Variants in CRYBG3 observed in about 807,000 individuals in gnomAD.
The protein encoded by CRYBG3 is crystallin beta-gamma domain containing 3.
CRYBG3 carries 127 observed loss-of-function variants against 244.2 expected under a neutral mutation model. The observed-to-expected ratio is 0.52, with a 90% CI of 0.45 to 0.60. CRYBG3 has a LOEUF of 0.60. Ranked by LOEUF, CRYBG3 falls within the 20% of genes least tolerant of loss-of-function variation. CRYBG3 has a pLI of 0.00. For synonymous variants in CRYBG3, 1,132 were observed against 1,195.8 expected (o/e 0.95, Z 1.10); for missense variants, 3,325 against 3,442.5 (o/e 0.97, Z 0.85).
Position 97,874,511 on chromosome 3 carries a change from C to G in CRYBG3, c.3317C>G (p.Thr1106Ser). ...GTSVTNLLYP[T>S]TSYLEFETSV... ...TCTGTAACTAACCTGTTGTACCCTA[C>G]TACCTCTTATTTGGAATTTGAAACG... is the stretch of plus-strand genomic sequence containing the variant. The change falls in exon 4 of 22, where the codon ACT (threonine) becomes AGT (serine). Residue 1106 changes from threonine to serine, a missense_variant. Transcript: ENST00000389622. 1 of 1,534,814 alleles carries G rather than the reference C, an allele frequency of 6.5e-7. No homozygotes were observed.
At chr3:97,933,880 A>C in intron 18 of CRYBG3, 47 bp downstream of exon 18, 2 of 1,570,584 alleles carry the variant, frequency 1.3e-6, no homozygotes, top group Non-Finnish European at 1.7e-6. Context: ...CTGTTTTAAG[A>C]CAGAGTTGCA....
At chr3:97,844,180 T>G (rs2038865517) in intron 2 of CRYBG3, among the ~76,000 whole-genome samples, 1 of 152,192 alleles carries the variant, frequency 6.6e-6, no homozygotes, top group African/African-American at 2.4e-5. Flanking sequence ...AAAAAAATAC[T>G]TATTGAAAGG....
intron 2 of CRYBG3, among the ~76,000 whole-genome samples, chr3:97,851,282 G>C (rs548767120): frequency 6.6e-6 from 1 of 152,210 alleles, no homozygotes; most frequent in African/African-American, 2.4e-5. Context: ...AGTAATACGC[G>C]GCAGCCAGAT....
At chr3:97,859,856 A>AAG (rs2108197880) in intron 2 of CRYBG3, among the ~76,000 whole-genome samples, 1 of 152,266 alleles carries the variant, frequency 6.6e-6, no homozygotes, top group Admixed American at 6.5e-5. Flanking sequence ...TCCAATGCTA[A>AAG]TACTTTGTCT....
chr3:97,829,410 C>G (rs937255348), intron 1 of CRYBG3, among the ~76,000 whole-genome samples: 10 of 152,152 alleles, frequency 6.6e-5, no homozygotes, highest in African/African-American at 2.4e-4. Flanking sequence ...CTGTCACCCA[C>G]CTTGACCTCT....
intron 8 of CRYBG3, among the ~76,000 whole-genome samples, chr3:97,887,525 G>A (rs1377884706): frequency 6.6e-6 from 1 of 152,192 alleles, no homozygotes; most frequent in Non-Finnish European, 1.5e-5. Flanking sequence ...GCCAAGGTGG[G>A]TGGATCACCT....
chr3:97,898,089 G>A lies in CRYBG3; in HGVS notation c.7702-794G>A, dbSNP rs568556746. 1.4e-3 allele frequency among the ~76,000 whole-genome samples: 214 copies of A among 151,758 alleles called. 1 individual carries two copies. Among genetic ancestry groups the A allele is most frequent in the African/African-American group, 4.8e-3 (200 of 41,360 alleles). ...GAAAAAATTAGCCGGGCATGGTGGTGGGCACCTGTAGTCCCAACTACTCGG... is the reference window on the plus strand; with the variant it reads ...GAAAAAATTAGCCGGGCATGGTGGTAGGCACCTGTAGTCCCAACTACTCGG... On this transcript the variant is annotated intron_variant, in intron 12 of 21. Coordinates refer to ENST00000389622, the MANE Select transcript of CRYBG3 (RefSeq NM_153605.4).
At chr3:97,839,911 A>T (rs964265986) in intron 1 of CRYBG3, among the ~76,000 whole-genome samples, 3 of 152,076 alleles carry the variant, frequency 2.0e-5, no homozygotes, top group Non-Finnish European at 4.4e-5. Flanking sequence ...AAATTTGTCT[A>T]ACAAATAACT....
rs771785578 is a variant in CRYBG3 at position 97,874,018 on chromosome 3, T to C, written c.2824T>C (p.Trp942Arg). The change falls in exon 4 of 22, where the codon TGG becomes CGG. Residue 942 changes from tryptophan to arginine, a missense_variant. Coordinates refer to ENST00000389622, the MANE Select transcript of CRYBG3 (RefSeq NM_153605.4). ...PPALLKSNIS[W>R]ILPPIHDEKI... The stretch of plus-strand genomic sequence containing the variant: ...TGCTCTTCTTAAAAGTAATATATCT[T>C]GGATTTTACCACCTATTCATGATGA... The C allele has an allele frequency of 1.2e-5, 18 of 1,535,550 alleles. No homozygotes were observed. In the South Asian group the frequency reaches 2.0e-4, roughly 17 times the overall value.
chr3:97,888,379 C>T lies in CRYBG3; in HGVS notation c.7328C>T (p.Ala2443Val). 6.2e-7 allele frequency: 1 copy of T among 1,612,510 alleles called. No homozygotes were observed. The highest frequency in any genetic ancestry group is 8.5e-7 in the Non-Finnish European group (1 of 1,178,958). ...AYPDINFKGQ[A>V]TVLEEDHGLF... ...CCAGATATTAATTTTAAGGGACAAG[C>T]TACAGTTCTGGAGGAAGACCATGGG... is the stretch of plus-strand genomic sequence containing the variant. Residue 2443 changes from alanine (A) to valine (V), a missense_variant, in exon 9 of 22, where the codon GCT becomes GTT. By Grantham distance (64) the Ala-to-Val change is moderately conservative. Coordinates refer to ENST00000389622, the MANE Select transcript of CRYBG3 (RefSeq NM_153605.4).
chr3:97,861,883 G>A (rs772338689), intron 2 of CRYBG3, among the ~76,000 whole-genome samples: 3 of 152,088 alleles, frequency 2.0e-5, no homozygotes, highest in African/African-American at 4.8e-5. Flanking sequence ...GAATAGCAGT[G>A]TATTTTTCCT....
At chr3:97,850,280 A>C (rs2038965683) in intron 2 of CRYBG3, among the ~76,000 whole-genome samples, 1 of 152,198 alleles carries the variant, frequency 6.6e-6, no homozygotes, top group East Asian at 1.9e-4. Flanking sequence ...TAGATCAGCA[A>C]TTTCACGCAT....
At chr3:97,941,045 T>A in intron 19 of CRYBG3, 103 bp from the exon 20 acceptor site, 1 of 884,742 alleles carries the variant, frequency 1.1e-6, no homozygotes, top group Non-Finnish European at 1.8e-6. Flanking sequence ...CTGATATAAC[T>A]AAGATAGTTA....
At chr3:97,833,547 C>T (rs1176819183) in intron 1 of CRYBG3, among the ~76,000 whole-genome samples, 6 of 152,056 alleles carry the variant, frequency 3.9e-5, no homozygotes, top group Non-Finnish European at 4.4e-5. Flanking sequence ...GAACATCACA[C>T]ACTAGAGCCT....
chr3:97,842,382 G>T (rs1234855146), intron 1 of CRYBG3, among the ~76,000 whole-genome samples: 1 of 151,854 alleles, frequency 6.6e-6, no homozygotes, highest in East Asian at 1.9e-4. Context: ...GGGCAACATA[G>T]TTGAGACCCC....
intron 1 of CRYBG3, among the ~76,000 whole-genome samples, chr3:97,823,134 C>CA (rs1422004611): frequency 6.6e-6 from 1 of 152,048 alleles, no homozygotes; most frequent in Non-Finnish European, 1.5e-5. Flanking sequence ...GTTCAAAAAT[C>CA]AAAAAATTTT....
At chr3:97,890,641 A>T (rs149703622) in intron 10 of CRYBG3, among the ~76,000 whole-genome samples, 1 of 152,312 alleles carries the variant, frequency 6.6e-6, no homozygotes, top group East Asian at 1.9e-4. Flanking sequence ...TAACATGGAA[A>T]AGTGCAGGAT....
chr3:97,825,824 A>G (rs1348842268), intron 1 of CRYBG3, among the ~76,000 whole-genome samples: 4 of 152,200 alleles, frequency 2.6e-5, no homozygotes, highest in African/African-American at 7.2e-5. Context: ...ACTGTCAGAA[A>G]TGTCAGTAGT....
chr3:97,843,368 T>G, intron 2 of CRYBG3, 107 bp downstream of exon 2: 1 of 682,080 alleles, frequency 1.5e-6, no homozygotes, highest in East Asian at 2.8e-5. Flanking sequence ...GAACACTGTA[T>G]AATTACTTTT....
Sources: gnomAD v4.1 joint callset for allele counts (sites outside exome capture counted in the v4.1 genomes callset) on GRCh38, gnomAD v4.1.1 for gene constraint, MANE v1.5 for transcripts, NCBI Gene and HGNC (gene_info 2026-07-23, HGNC 2026-07-21) for gene names.